FGF12: variants seen among roughly 807,000 people sequenced by gnomAD.
FGF12 encodes fibroblast growth factor 12B.
In FGF12, 14 loss-of-function variants were observed where a neutral mutation model predicts 23.6. That is an observed-to-expected ratio of 0.59 (90% CI 0.39 to 0.93). The LOEUF is 0.93. Ranked by LOEUF, FGF12 falls within the 40% of genes least tolerant of loss-of-function variation. FGF12 has a pLI of 0.00. For synonymous variants in FGF12, 62 were observed against 77.3 expected (o/e 0.80, Z 1.04); for missense variants, 175 against 217.8 (o/e 0.80, Z 1.24).
At chr3:192,364,575 G>A (rs1718886460) in intron 2 of FGF12, among the ~76,000 whole-genome samples, 1 of 152,086 alleles carries the variant, frequency 6.6e-6, no homozygotes, top group African/African-American at 2.4e-5. Context: ...TGGAAGTGAT[G>A]TGTGCCATTT....
At chr3:192,554,632 T>A (rs1003179145) in intron 2 of FGF12, among the ~76,000 whole-genome samples, 4 of 151,836 alleles carry the variant, frequency 2.6e-5, no homozygotes, top group Non-Finnish European at 4.4e-5. Flanking sequence ...AATGAAGAGA[T>A]CCCAACACAA....
chr3:192,289,119 A>T (rs572079683), intron 4 of FGF12, among the ~76,000 whole-genome samples: 1 of 152,284 alleles, frequency 6.6e-6, no homozygotes, highest in South Asian at 2.1e-4. Context: ...ATTTTAAATG[A>T]TTTGATCAGC....
rs908411192 is a variant in FGF12, at chr3:192,409,808, A to G, written c.14-49270T>C. 6.6e-6 allele frequency among the ~76,000 whole-genome samples: 1 copy of G among 151,960 alleles called. No individual in the cohort carries two copies. The highest frequency in any genetic ancestry group is 2.4e-5 in the African/African-American group (1 of 41,406). ...GGCGCTTGGGGCCGGAGGCGGAATC[A>G]GGGGCCGGGGCCAGGAGGCAGGTGC... On this transcript the variant is annotated intron_variant, in intron 2 of 5. Coordinates refer to ENST00000445105, the MANE Select transcript of FGF12 (RefSeq NM_004113.6). This position sits in a 1 kb window ranked among gnomAD's most constrained non-coding sequence, Gnocchi z 4.8.
At chr3:192,249,870 G>T (rs758154178) in intron 4 of FGF12, among the ~76,000 whole-genome samples, 16 of 152,142 alleles carry the variant, frequency 1.1e-4, no homozygotes, top group Admixed American at 3.3e-4. Flanking sequence ...AGGCAATTTG[G>T]GGCTCCTTTC....
At chr3:192,411,302 A>G (rs1278332533) in intron 2 of FGF12, among the ~76,000 whole-genome samples, 1 of 152,218 alleles carries the variant, frequency 6.6e-6, no homozygotes, top group African/African-American at 2.4e-5. Flanking sequence ...TGGGCAAAGC[A>G]GAGGCTGGCA....
At chr3:192,341,215 T>G (rs925989508) in intron 3 of FGF12, among the ~76,000 whole-genome samples, 1 of 152,140 alleles carries the variant, frequency 6.6e-6, no homozygotes, top group African/African-American at 2.4e-5. Context: ...GAAAATATAC[T>G]CAACATCACT....
At chr3:192,600,950 T>A (rs1477967243) in intron 2 of FGF12, among the ~76,000 whole-genome samples, 1 of 152,080 alleles carries the variant, frequency 6.6e-6, no homozygotes, top group Non-Finnish European at 1.5e-5. Context: ...CTACTGAGCA[T>A]CTATCCCAAG....
chr3:192,435,625 T>C (rs897735438), intron 2 of FGF12, among the ~76,000 whole-genome samples: 3 of 152,194 alleles, frequency 2.0e-5, no homozygotes, highest in Non-Finnish European at 4.4e-5. Context: ...TTTTCTCCTC[T>C]GTACCTAGTA....
intron 3 of FGF12, among the ~76,000 whole-genome samples, chr3:192,346,784 CTG>C (rs541146622): frequency 9.7e-4 from 147 of 152,250 alleles, no homozygotes; most frequent in African/African-American, 3.5e-3. Context: ...TTAGTGATGT[CTG>C]CAGTGAACAC....
At chr3:192,620,739 G>T (rs987634180) in intron 2 of FGF12, among the ~76,000 whole-genome samples, 6 of 152,132 alleles carry the variant, frequency 3.9e-5, no homozygotes, top group Non-Finnish European at 8.8e-5. Context: ...GAACTGTCAT[G>T]TACCCAGCTG....
At position 192,487,589 on chromosome 3, in the gene FGF12, G is replaced by A. The variant is rs538465721; in HGVS notation, c.14-127051C>T. On this transcript the variant is annotated intron_variant, in intron 2 of 5. Transcript: ENST00000445105. Reference sequence around the variant, plus strand: ...TGTTCATGTCATTGCTGGACCCTTTGAGGGGCAGGGTATTGTATACAAAAT... The same window carrying A: ...TGTTCATGTCATTGCTGGACCCTTTAAGGGGCAGGGTATTGTATACAAAAT... Among the ~76,000 whole-genome samples the A allele has an allele frequency of 1.2e-3, 185 of 152,210 alleles. 1 individual carries two copies. Among genetic ancestry groups the A allele is most frequent in the African/African-American group, 4.2e-3 (175 of 41,554 alleles).
chr3:192,258,987 G>T (rs1712579786), intron 4 of FGF12, among the ~76,000 whole-genome samples: 1 of 152,088 alleles, frequency 6.6e-6, no homozygotes, highest in Non-Finnish European at 1.5e-5. Flanking sequence ...TATTACTTAC[G>T]TAACTGCAGT....
At chr3:192,272,124 AT>A (rs1207056534) in intron 4 of FGF12, among the ~76,000 whole-genome samples, 1 of 152,228 alleles carries the variant, frequency 6.6e-6, no homozygotes, top group Non-Finnish European at 1.5e-5. Flanking sequence ...GCATTAAAAA[AT>A]TAATGGCCCG....
At chr3:192,250,226 A>G (rs1039827107) in intron 4 of FGF12, among the ~76,000 whole-genome samples, 2 of 152,108 alleles carry the variant, frequency 1.3e-5, no homozygotes, top group Non-Finnish European at 2.9e-5. Flanking sequence ...TAACTTTTGA[A>G]TTTGGTTCTC....
intron 3 of FGF12, among the ~76,000 whole-genome samples, chr3:192,358,432 G>T (rs550550179): frequency 4.0e-5 from 6 of 150,808 alleles, no homozygotes; most frequent in East Asian, 2.0e-4. Flanking sequence ...GGAGTTCAGA[G>T]AATTTTTAAA....
intron 2 of FGF12, among the ~76,000 whole-genome samples, chr3:192,657,562 C>T (rs1716484792): frequency 6.6e-6 from 1 of 152,114 alleles, no homozygotes; most frequent in Admixed American, 6.5e-5. Context: ...TTTATCTGCA[C>T]CAAATTCCTT....
chr3:192,208,359 T>C (rs1382781785), intron 4 of FGF12, among the ~76,000 whole-genome samples: 1 of 152,166 alleles, frequency 6.6e-6, no homozygotes, highest in Non-Finnish European at 1.5e-5. Flanking sequence ...GTCAGATTAA[T>C]AGAAATAGCT....
intron 2 of FGF12, among the ~76,000 whole-genome samples, chr3:192,504,148 T>C (rs577264053): frequency 3.3e-5 from 5 of 152,034 alleles, no homozygotes; most frequent in Admixed American, 1.3e-4. Flanking sequence ...AGAGGACATA[T>C]AAACACTAAG....
At chr3:192,269,413 T>C (rs1424694416) in intron 4 of FGF12, among the ~76,000 whole-genome samples, 1 of 152,182 alleles carries the variant, frequency 6.6e-6, no homozygotes, top group African/African-American at 2.4e-5. Context: ...GTATACACAG[T>C]ACTGGTTAAA....
Sources: gnomAD v4.1 joint callset for allele counts (sites outside exome capture counted in the v4.1 genomes callset) on GRCh38, gnomAD v4.1.1 for gene constraint, Gnocchi (gnomAD v3.1) non-coding constraint, MANE v1.5 for transcripts, NCBI Gene and HGNC (gene_info 2026-07-23, HGNC 2026-07-21) for gene names.